Variants in APOB observed in about 807,000 individuals in gnomAD.
APOB encodes apolipoprotein B.
In APOB, 153 loss-of-function variants were observed where a neutral mutation model predicts 314.1. The observed-to-expected ratio is 0.49, with a 90% CI of 0.43 to 0.56. The LOEUF (loss-of-function observed/expected upper bound fraction) is 0.56, where lower values mean the gene tolerates loss of function less well. Ranked by LOEUF, APOB falls within the 20% of genes least tolerant of loss-of-function variation. The pLI is 0.00. For missense variants in APOB, 5,430 were observed against 5,350.7 expected, an observed-to-expected ratio of 1.01 and a Z score of -0.46; for synonymous variants, 2,087 against 2,036.4, an observed-to-expected ratio of 1.02 and a Z score of -0.67.
At chr2:21,005,034 A>C (rs2103350160) in intron 26 of APOB, 46 bp downstream of exon 26, 1 of 1,602,518 alleles carries the variant, frequency 6.2e-7, no homozygotes, top group Non-Finnish European at 8.5e-7. Context: ...CATAACTCTC[A>C]TTGAAAATAT....
Position 21,007,571 on chromosome 2 carries a change from G to T in APOB, c.9297C>A (p.Asn3099Lys), listed in dbSNP as rs1663180294. 1.9e-6 allele frequency: 3 copies of T among 1,614,054 alleles called. No homozygotes were observed. Among genetic ancestry groups the T allele is most frequent in the East Asian group, 2.2e-5 (1 of 44,880 alleles). Residue 3099 changes from asparagine to lysine, a missense_variant, in exon 26 of 29, where the codon AAC (asparagine) becomes AAA (lysine). This residue lies in a region of APOB where 3,281 missense variants were observed against 3,171.0 expected (regional missense o/e 1.03). Coordinates refer to ENST00000233242, the MANE Select transcript of APOB (RefSeq NM_000384.3). ...VSARFNQYKY[N>K]QNFSAGNNEN... ...CGTTGTTTCCAGCAGAGAAATTTTGGTTGTACTTATACTGATTGAACCTAG... is the reference window on the plus strand; with the variant it reads ...CGTTGTTTCCAGCAGAGAAATTTTGTTTGTACTTATACTGATTGAACCTAG...
chr2:21,007,016 G>A lies in APOB; in HGVS notation c.9852C>T (p.Ser3284=). 1 of 1,614,012 alleles carries A rather than the reference G, an allele frequency of 6.2e-7. No homozygotes were observed. Among genetic ancestry groups the A allele is most frequent in the South Asian group, 1.1e-5 (1 of 91,078 alleles). The change falls in exon 26 of 29, where the codon TCC becomes TCT. Residue 3284 remains serine, a synonymous_variant. Transcript: ENST00000233242. ...FPKAVSMPSF[S]ILGSDVRVPS... is the part of the protein sequence containing the mutation. ...GCACACGGACGTCAGAACCTAGGAT[G>A]GAGAAACTAGGCATGCTGACTGCTT... is the stretch of plus-strand genomic sequence containing the variant.
chr2:21,009,954 A>G lies in APOB; in HGVS notation c.6914T>C (p.Ile2305Thr). Reference protein sequence around the residue: ...RVLLDQLGTTISFERINDILE... With the variant: ...RVLLDQLGTTTSFERINDILE... ...AATGTCATTTATTCTTTCAAATGAA[A>G]TTGTAGTTCCCAATTGATCTAAAAG... The change falls in exon 26 of 29, where the codon ATT becomes ACT. Residue 2305 changes from isoleucine (I) to threonine (T), a missense_variant. Physicochemically the swap from Ile to Thr is moderately conservative, Grantham distance 89. Coordinates refer to ENST00000233242, the MANE Select transcript of APOB (RefSeq NM_000384.3). 1.2e-6 allele frequency: 2 copies of G among 1,613,784 alleles called. No homozygotes were observed. The highest frequency in any genetic ancestry group is 1.7e-6 in the Non-Finnish European group (2 of 1,179,804).
rs1390664767 is a variant in APOB at position 21,008,220 on chromosome 2, A to T, written c.8648T>A (p.Leu2883Gln). Residue 2883 changes from leucine (L) to glutamine (Q), a missense_variant, in exon 26 of 29, where the codon CTG becomes CAG. Physicochemically the swap from Leu to Gln is moderately radical, Grantham distance 113. Coordinates refer to ENST00000233242, the MANE Select transcript of APOB (RefSeq NM_000384.3). ...VIVKINNQLT[L>Q]DSNTKYFHKL... ...GTGGAAGTATTTAGTGTTGCTATCC[A>T]GGGTAAGCTGATTGTTTATCTTGAC... 1 of 1,614,104 alleles carries T rather than the reference A, an allele frequency of 6.2e-7. No homozygotes were observed. The highest frequency in any genetic ancestry group is 1.7e-5 in the Admixed American group (1 of 60,014).
At chr2:21,036,144 C>T (rs1260306875) in intron 6 of APOB, among the ~76,000 whole-genome samples, 1 of 152,188 alleles carries the variant, frequency 6.6e-6, no homozygotes, top group East Asian at 1.9e-4. Flanking sequence ...AGGCCCAGGA[C>T]TTCTTGTCTG....
At position 21,011,031 on chromosome 2, in the gene APOB, T is replaced by C. The variant is rs1663301598; in HGVS notation, c.5837A>G (p.Tyr1946Cys). The C allele has an allele frequency of 6.2e-7, 1 of 1,614,192 alleles. No homozygotes were observed. ...EPLAFTFSHD[Y>C]KGSTSHHLVS... is the part of the protein sequence containing the mutation. ...GAGATGATGACTTGTGGAGCCTTTG[T>C]AATCATGAGAGAAAGTAAATGCCAG... The change falls in exon 26 of 29, where the codon TAC becomes TGC. Residue 1946 changes from tyrosine (Y) to cysteine (C), a missense_variant. By Grantham distance (194) the Tyr-to-Cys change is radical. Around this residue, in one of 3 missense-constraint regions of APOB, gnomAD observed 3,281 missense variants for 3,171.0 expected, o/e 1.03. Coordinates refer to ENST00000233242, the MANE Select transcript of APOB (RefSeq NM_000384.3).
chr2:21,015,221 T>C lies in APOB; in HGVS notation c.3548A>G (p.Asn1183Ser), dbSNP rs1425642531. The C allele has an allele frequency of 6.2e-7, 1 of 1,614,240 alleles. No individual in the cohort carries two copies. The highest frequency in any genetic ancestry group is 1.7e-4 in the Middle Eastern group (1 of 6,060). Residue 1183 changes from asparagine (N) to serine (S), a missense_variant, in exon 23 of 29, where the codon AAT becomes AGT. By Grantham distance (46) the Asn-to-Ser change is conservative (BLOSUM62 1). This residue lies in a region of APOB where 2,085 missense variants were observed against 2,079.7 expected (regional missense o/e 1.00). Transcript: ENST00000233242. ...GGAAGTCATTTTTTTGGTATCTACATTGGTGCCTGTGTTCCATTCAAATTC... is the reference window on the plus strand; with the variant it reads ...GGAAGTCATTTTTTTGGTATCTACACTGGTGCCTGTGTTCCATTCAAATTC... ...KIEFEWNTGT[N>S]VDTKKMTSNF...
Position 21,002,629 on chromosome 2 carries a change from C to T in APOB, c.12793G>A (p.Val4265Ile), listed in dbSNP as rs540192015. Reference protein sequence around the residue: ...FELRKHKLIDVISMYRELLKD... With the variant: ...FELRKHKLIDIISMYRELLKD... ...AACAGTTCCCTATACATCGAGATTA[C>T]ATCTATTAGTTTATGTTTCCTTAAC... Residue 4265 changes from valine (V) to isoleucine (I), a missense_variant, in exon 29 of 29, where the codon GTA (valine) becomes ATA (isoleucine). By Grantham distance (29) the Val-to-Ile change is conservative. Around this residue, in one of 3 missense-constraint regions of APOB, gnomAD observed 3,281 missense variants for 3,171.0 expected, o/e 1.03. Coordinates refer to ENST00000233242, the MANE Select transcript of APOB (RefSeq NM_000384.3). 5.0e-6 allele frequency: 8 copies of T among 1,613,964 alleles called. No individual in the cohort carries two copies. The highest frequency in any genetic ancestry group is 4.0e-5 in the African/African-American group (3 of 75,022).
At chr2:21,034,778 G>A (rs1663959162) in intron 8 of APOB, 38 bp downstream of exon 8, 2 of 1,178,820 alleles carry the variant, frequency 1.7e-6, no homozygotes, top group East Asian at 4.7e-5. Flanking sequence ...CACATCTTGA[G>A]TAGATTTTCC....
At position 21,009,925 on chromosome 2, in the gene APOB, C is replaced by T. The variant is rs1223711938; in HGVS notation, c.6943G>A (p.Glu2315Lys). ...TTTATAACAAAGTGTTTGACATGCT[C>T]AAGAATGTCATTTATTCTTTCAAAT... ...ISFERINDIL[E>K]HVKHFVINLI... The change falls in exon 26 of 29, where the codon GAG becomes AAG. Residue 2315 changes from glutamate to lysine, a missense_variant. Physicochemically the swap from Glu to Lys is moderately conservative, Grantham distance 56 (BLOSUM62 1). This residue lies in a region of APOB where 3,281 missense variants were observed against 3,171.0 expected (regional missense o/e 1.03). Coordinates refer to ENST00000233242, the MANE Select transcript of APOB (RefSeq NM_000384.3). 8.7e-6 allele frequency: 14 copies of T among 1,613,770 alleles called. No individual in the cohort carries two copies. The highest frequency in any genetic ancestry group is 1.2e-5 in the Non-Finnish European group (14 of 1,179,884).
At chr2:21,018,270 C>G (rs1174062657) in intron 20 of APOB, among the ~76,000 whole-genome samples, 1 of 152,144 alleles carries the variant, frequency 6.6e-6, no homozygotes. Flanking sequence ...GTTTCTCTGC[C>G]CTTGTCTGCC....
At position 21,004,669 on chromosome 2, in the gene APOB, C is replaced by T; in HGVS notation, c.11795G>A (p.Gly3932Glu). ...CGTACCATCTTCGATTTTGTGTGTT[C>T]CCAAAACTGTATAGGAGAGATTTTG... ...QFLEYELNVL[G>E]THKIEDGTLA... Residue 3932 changes from glycine (G) to glutamate (E), a missense_variant, in exon 27 of 29, where the codon GGA becomes GAA. Physicochemically the swap from Gly to Glu is moderately conservative, Grantham distance 98. Transcript: ENST00000233242. 1 of 1,610,862 alleles carries T rather than the reference C, an allele frequency of 6.2e-7. No individual in the cohort carries two copies.
chr2:21,013,473 A>G lies in APOB; in HGVS notation c.3903T>C (p.Pro1301=), dbSNP rs751702596. The G allele has an allele frequency of 6.2e-7, 1 of 1,614,194 alleles. No individual in the cohort carries two copies. The highest frequency in any genetic ancestry group is 1.1e-5 in the South Asian group (1 of 91,078). The stretch of plus-strand genomic sequence containing the variant: ...GATCTCTGGAGGATTTGCCACCAAA[A>G]GGCAAAGGAATCTCAATTTTCAAAC... ...KNSLKIEIPL[P]FGGKSSRDLK... is the part of the protein sequence containing the mutation. Residue 1301 remains proline, a synonymous_variant, in exon 25 of 29, where the codon CCT becomes CCC. Coordinates refer to ENST00000233242, the MANE Select transcript of APOB (RefSeq NM_000384.3).
intron 21 of APOB, 130 bp from the exon 22 acceptor site, chr2:21,015,675 T>C: frequency 1.1e-6 from 1 of 946,626 alleles, no homozygotes; most frequent in Non-Finnish European, 1.6e-6. Flanking sequence ...CAGCCACAGA[T>C]CAAACTCATC....
rs138421941 is a variant in APOB, at chr2:21,001,973, C to T, written c.13449G>A (p.Ala4483=). The T allele has an allele frequency of 1.5e-4, 247 of 1,613,954 alleles. No individual in the cohort carries two copies. The African/African-American group carries it at 2.7e-3, about 18-fold the overall frequency. Residue 4483 remains alanine (A), a synonymous_variant, in exon 29 of 29, where the codon GCG becomes GCA. Transcript: ENST00000233242. ...GGTAATCAGAAATTATTTTCTTCGT[C>T]GCAATGGCCTGGCTTTTAATTATTT... ...AQEIIKSQAI[A]TKKIISDYHQ...
chr2:21,020,783 G>A (rs12720774), intron 18 of APOB, among the ~76,000 whole-genome samples: 2,150 of 152,344 alleles, frequency 0.014, 47 homozygotes, highest in African/African-American at 0.049. Flanking sequence ...CTTTGCTGAT[G>A]TGCTGGAGTC....
At chr2:21,022,682 G>C (rs1572792695) in intron 18 of APOB, 149 bp downstream of exon 18, 1 of 710,146 alleles carries the variant, frequency 1.4e-6, no homozygotes, top group African/African-American at 1.8e-5. Context: ...AATTAAAATA[G>C]GTAACCCGGA....
Position 21,011,392 on chromosome 2 carries a change from T to C in APOB, c.5476A>G (p.Asn1826Asp). ...TTATTTTGGTAGGCTCCTTTTAGGT[T>C]ACCAGCCACATGCAGCTTCAGGGGT... is the stretch of plus-strand genomic sequence containing the variant. ...LEPLKLHVAG[N>D]LKGAYQNNEI... The change falls in exon 26 of 29, where the codon AAC (asparagine) becomes GAC (aspartate). Residue 1826 changes from asparagine to aspartate, a missense_variant. Coordinates refer to ENST00000233242, the MANE Select transcript of APOB (RefSeq NM_000384.3). 1 of 1,614,170 alleles carries C rather than the reference T, an allele frequency of 6.2e-7. No individual in the cohort carries two copies. The highest frequency in any genetic ancestry group is 8.5e-7 in the Non-Finnish European group (1 of 1,180,030).
Position 21,009,538 on chromosome 2 carries a change from G to A in APOB, c.7330C>T (p.Arg2444Cys), listed in dbSNP as rs754565622. ...QFVDETNDKI[R>C]EVTQRLNGEI... ...CCATTGAGTCTCTGAGTCACCTCAC[G>A]GATTTTGTCATTGGTTTCATCTACA... Residue 2444 changes from arginine to cysteine, a missense_variant, in exon 26 of 29, where the codon CGT becomes TGT. This residue lies in a region of APOB where 3,281 missense variants were observed against 3,171.0 expected (regional missense o/e 1.03). Transcript: ENST00000233242. 36 of 1,613,872 alleles carry A rather than the reference G, an allele frequency of 2.2e-5. No homozygotes were observed. The highest frequency in any genetic ancestry group is 8.3e-5 in the Admixed American group (5 of 60,000).
Sources: gnomAD v4.1 joint callset for allele counts (sites outside exome capture counted in the v4.1 genomes callset) on GRCh38, gnomAD v4.1.1 for gene constraint, gnomAD v4.1.1 regional missense constraint, MANE v1.5 for transcripts, NCBI Gene and HGNC (gene_info 2026-07-23, HGNC 2026-07-21) for gene names.